MAGI1: variants seen among roughly 807,000 people sequenced by gnomAD.
MAGI1 encodes the protein membrane associated guanylate kinase, WW and PDZ domain containing 1, also known as membrane-associated guanylate kinase, WW and PDZ domain-containing protein 1.
Under a neutral mutation model 139.9 loss-of-function variants are expected in MAGI1, and 58 were observed. The observed-to-expected ratio is 0.41, with a 90% CI of 0.34 to 0.52. The LOEUF (loss-of-function observed/expected upper bound fraction) is 0.52, where lower values mean the gene tolerates loss of function less well. Among genes scored for constraint, MAGI1 ranks in the 20% least tolerant of loss-of-function variants. MAGI1 has a pLI of 0.12. For synonymous variants in MAGI1, 812 were observed against 737.9 expected, an observed-to-expected ratio of 1.10 and a Z score of -1.63; for missense variants, 1,874 against 1,901.6, an observed-to-expected ratio of 0.99 and a Z score of 0.27.
chr3:65,397,725 A>G (rs1186185184), intron 13 of MAGI1, among the ~76,000 whole-genome samples: 1 of 152,166 alleles, frequency 6.6e-6, no homozygotes, highest in Non-Finnish European at 1.5e-5. Flanking sequence ...ATGATGACTT[A>G]TAAGTTATTA....
At chr3:65,576,694 A>C (rs957039390) in intron 2 of MAGI1, among the ~76,000 whole-genome samples, 4 of 152,176 alleles carry the variant, frequency 2.6e-5, no homozygotes, top group Non-Finnish European at 4.4e-5. Flanking sequence ...GAACTCATAC[A>C]TTCCAGGAAG....
chr3:65,599,143 G>A (rs977476022), intron 2 of MAGI1, among the ~76,000 whole-genome samples: 8 of 152,138 alleles, frequency 5.3e-5, no homozygotes, highest in African/African-American at 9.7e-5. Flanking sequence ...GGCAAGAGGG[G>A]AAAGGAAGCA....
In MAGI1 at chr3:65,356,060, C is replaced by T. The variant is rs759061789; in HGVS notation, c.*318G>A. The T allele has an allele frequency of 8.4e-5, 17 of 203,432 alleles. No homozygotes were observed. Among genetic ancestry groups the T allele is most frequent in the Admixed American group, 6.3e-4 (11 of 17,490 alleles). The allele number at this position is 203,432 out of a possible 1,614,324, so 12.6% of individuals were successfully genotyped here. A position where few individuals can be genotyped will look rare whatever the true frequency, so the allele number is the denominator to read the frequency against. ...ATTTAACCAGGAGAGAAAAAGATTG[C>T]CCCAAAACGGGAACAATTCTTGACG... On this transcript the variant is annotated 3_prime_UTR_variant, in exon 23 of 23. Transcript: ENST00000402939.
intron 1 of MAGI1, among the ~76,000 whole-genome samples, chr3:65,834,558 G>A (rs186273305): frequency 3.9e-5 from 6 of 152,284 alleles, no homozygotes; most frequent in Admixed American, 3.9e-4. Context: ...TTCTACTTTT[G>A]TTGGGTGGAA....
chr3:65,517,656 C>G (rs1239428394), intron 2 of MAGI1, among the ~76,000 whole-genome samples: 2 of 152,210 alleles, frequency 1.3e-5, no homozygotes, highest in Non-Finnish European at 2.9e-5. Context: ...CAGTCTCCAA[C>G]TCCCGAGTCA....
At chr3:65,520,643 C>T (rs954646866) in intron 2 of MAGI1, among the ~76,000 whole-genome samples, 3 of 152,148 alleles carry the variant, frequency 2.0e-5, no homozygotes, top group African/African-American at 7.2e-5. Context: ...TATCATTCAA[C>T]ATTCTCAAAA....
At chr3:65,874,903 T>A (rs1395226725) in intron 1 of MAGI1, 2 of 152,568 alleles carry the variant, frequency 1.3e-5, no homozygotes, top group African/African-American at 4.8e-5. Context: ...ATCTATAGAA[T>A]GGAACATTAT....
chr3:65,830,895 A>C (rs1247112484), intron 1 of MAGI1, among the ~76,000 whole-genome samples: 2 of 152,184 alleles, frequency 1.3e-5, no homozygotes, highest in East Asian at 3.9e-4. Flanking sequence ...CAAGCATGCA[A>C]AACTATGGAG....
chr3:66,007,506 G>C (rs921300199), intron 1 of MAGI1, among the ~76,000 whole-genome samples: 4 of 152,222 alleles, frequency 2.6e-5, no homozygotes, highest in African/African-American at 4.8e-5. Flanking sequence ...TAGTGAGGAG[G>C]AGGAGAGCGA....
intron 2 of MAGI1, chr3:65,549,313 T>A: frequency 1.8e-6 from 1 of 551,892 alleles, no homozygotes; most frequent in Non-Finnish European, 2.3e-6. Flanking sequence ...GTCTTCCCTC[T>A]TCCTCATTCC....
chr3:66,038,156 C>G lies in MAGI1; in HGVS notation c.153G>C (p.Glu51Asp). 1.2e-6 allele frequency: 2 copies of G among 1,611,942 alleles called. No individual in the cohort carries two copies. Among genetic ancestry groups the G allele is most frequent in the Non-Finnish European group, 1.7e-6 (2 of 1,179,412 alleles). Residue 51 changes from glutamate to aspartate, a missense_variant, in exon 1 of 23, where the codon GAG becomes GAC. Coordinates refer to ENST00000402939, the MANE Select transcript of MAGI1 (RefSeq NM_001033057.2). Reference sequence around the variant, plus strand: ...CGCCGCCGCCGGGAAGCCCCGCTGCCTCGACCGCCGCCACCGCTCCGACGT... The same window carrying G: ...CGCCGCCGCCGGGAAGCCCCGCTGCGTCGACCGCCGCCACCGCTCCGACGT... ...FPYVGAVAAV[E>D]AAGLPGGGEG...
intron 1 of MAGI1, among the ~76,000 whole-genome samples, chr3:66,011,400 G>A (rs1434234595): frequency 6.6e-6 from 1 of 152,132 alleles, no homozygotes; most frequent in African/African-American, 2.4e-5. Context: ...TGTTACTGAA[G>A]AAGGTGGTGC....
chr3:65,573,415 T>C (rs1360690685), intron 2 of MAGI1, among the ~76,000 whole-genome samples: 2 of 151,942 alleles, frequency 1.3e-5, no homozygotes, highest in African/African-American at 2.4e-5. Context: ...CATTGGAAAA[T>C]CTATTAATAT....
intron 7 of MAGI1, among the ~76,000 whole-genome samples, chr3:65,446,222 C>T (rs1230326412): frequency 6.6e-6 from 1 of 152,142 alleles, no homozygotes. Context: ...ATAGAATGTG[C>T]TGATCACAGG....
intron 1 of MAGI1, among the ~76,000 whole-genome samples, chr3:65,861,278 T>A (rs1023023028): frequency 3.9e-5 from 6 of 152,216 alleles, no homozygotes; most frequent in African/African-American, 1.4e-4. Flanking sequence ...TGTTTGATTT[T>A]TAATTAAGTT....
chr3:65,743,579 T>A (rs1237547945), intron 1 of MAGI1, among the ~76,000 whole-genome samples: 2 of 152,006 alleles, frequency 1.3e-5, no homozygotes, highest in Non-Finnish European at 2.9e-5. Flanking sequence ...CGTGGTGGCA[T>A]AGGCCTGTAA....
chr3:65,608,396 T>A (rs911637286), intron 2 of MAGI1, among the ~76,000 whole-genome samples: 2 of 151,728 alleles, frequency 1.3e-5, no homozygotes, highest in African/African-American at 4.8e-5. Context: ...GATTGCGCCA[T>A]TGCACTCCAG....
intron 1 of MAGI1, among the ~76,000 whole-genome samples, chr3:65,914,859 GAT>G (rs2061826871): frequency 6.6e-6 from 1 of 152,282 alleles, no homozygotes; most frequent in East Asian, 1.9e-4. Context: ...CCTCGGGTAA[GAT>G]ATGTTACTTT....
At chr3:66,028,347 A>G (rs990732844) in intron 1 of MAGI1, among the ~76,000 whole-genome samples, 8 of 152,172 alleles carry the variant, frequency 5.3e-5, no homozygotes. Flanking sequence ...TTTTACATAC[A>G]TTATCTCATT....
Sources: gnomAD v4.1 joint callset for allele counts (sites outside exome capture counted in the v4.1 genomes callset) on GRCh38, gnomAD v4.1.1 for gene constraint, MANE v1.5 for transcripts, NCBI Gene and HGNC (gene_info 2026-07-23, HGNC 2026-07-21) for gene names.